Variants in RNF19A observed in about 807,000 individuals in gnomAD.
The protein encoded by RNF19A is ring finger protein 19A, RBR E3 ubiquitin protein ligase, also known as E3 ubiquitin-protein ligase RNF19A.
Under a neutral mutation model 75.7 loss-of-function variants are expected in RNF19A, and 32 were observed. The observed-to-expected ratio is 0.42, with a 90% CI of 0.32 to 0.57. The LOEUF (loss-of-function observed/expected upper bound fraction) is 0.57. Among genes scored for constraint, RNF19A ranks in the 20% least tolerant of loss-of-function variants. The pLI is 0.10. For synonymous variants in RNF19A, 335 were observed against 345.2 expected, an observed-to-expected ratio of 0.97 and a Z score of 0.33; for missense variants, 782 against 1,036.3, an observed-to-expected ratio of 0.75 and a Z score of 3.37.
chr8:100,315,525 T>C (rs1263832382), intron 1 of RNF19A, among the ~76,000 whole-genome samples: 1 of 152,200 alleles, frequency 6.6e-6, no homozygotes, highest in African/African-American at 2.4e-5. Context: ...GCACAATTGA[T>C]CATTGGAATG....
Position 100,260,584 on chromosome 8 carries a change from TAAAAAG to T in RNF19A, c.1683-593_1683-588del, listed in dbSNP as rs1489120968. ...TGAGCCCAACCAACATTTGCCTTTT[TAAAAAG>T]AGGTAGTATATACCACTATAACTTA... On this transcript the variant is annotated intron_variant, in intron 8 of 9. Coordinates refer to ENST00000341084, the MANE Select transcript of RNF19A (RefSeq NM_183419.4). This position sits in a 1 kb window ranked among gnomAD's most constrained non-coding sequence, Gnocchi z 4.1. Among the ~76,000 whole-genome samples the T allele has an allele frequency of 6.6e-6, 1 of 152,146 alleles. No homozygotes were observed. Among genetic ancestry groups the T allele is most frequent in the African/African-American group, 2.4e-5 (1 of 41,428 alleles).
At chr8:100,321,182 C>G (rs1822461403) in intron 1 of RNF19A, among the ~76,000 whole-genome samples, 1 of 152,256 alleles carries the variant, frequency 6.6e-6, no homozygotes, top group Admixed American at 6.5e-5. Context: ...GTAGCATGCA[C>G]TGCTGCTTGG....
At chr8:100,278,661 A>C (rs1224765935) in intron 2 of RNF19A, among the ~76,000 whole-genome samples, 1 of 152,194 alleles carries the variant, frequency 6.6e-6, no homozygotes, top group Non-Finnish European at 1.5e-5. Flanking sequence ...GATTAATAGA[A>C]ATTAGATTAC....
chr8:100,273,607 A>C (rs1820361233), intron 3 of RNF19A, among the ~76,000 whole-genome samples: 1 of 152,184 alleles, frequency 6.6e-6, no homozygotes, highest in Non-Finnish European at 1.5e-5. Flanking sequence ...AAAATAATAA[A>C]AGCCATTTCT....
intron 7 of RNF19A, among the ~76,000 whole-genome samples, chr8:100,262,742 C>T (rs1016251335): frequency 6.6e-6 from 1 of 152,118 alleles, no homozygotes; most frequent in African/African-American, 2.4e-5. Context: ...GTTGATACAG[C>T]AGTTAAGAGG....
chr8:100,291,975 T>G (rs1020833357), intron 1 of RNF19A, among the ~76,000 whole-genome samples: 1 of 150,112 alleles, frequency 6.7e-6, no homozygotes, highest in Non-Finnish European at 1.5e-5. Flanking sequence ...GTCTTTTTTT[T>G]TTTTTTTTTT....
At chr8:100,310,705 A>G (rs1822271875), upstream of RNF19A, among the ~76,000 whole-genome samples, 1 of 152,160 alleles carries the variant, frequency 6.6e-6, no homozygotes. Context: ...CTTAGCCACA[A>G]TAGCAAGCCT....
At chr8:100,276,737 A>G (rs902344332) in intron 2 of RNF19A, among the ~76,000 whole-genome samples, 18 of 151,686 alleles carry the variant, frequency 1.2e-4, no homozygotes, top group South Asian at 1.0e-3. Flanking sequence ...AAAAAAAAAA[A>G]AAAAAAGAAA....
chr8:100,312,519 G>T (rs534552320), upstream of RNF19A: 140 of 152,456 alleles, frequency 9.2e-4, no homozygotes, highest in Middle Eastern at 0.034. Flanking sequence ...ATAGCCTTAG[G>T]AGGTCAAGGC....
At position 100,317,484 on chromosome 8, in the gene RNF19A, T is replaced by A. The variant is rs7010789; in HGVS notation, c.-242-4112A>T. 0.13 allele frequency among the ~76,000 whole-genome samples: 20,074 copies of A among 152,092 alleles called. 4,034 individuals are homozygous for A. The highest frequency in any genetic ancestry group is 0.44 in the African/African-American group (18,017 of 41,356). On this transcript the variant is annotated intron_variant, in intron 1 of 3. Transcript: ENST00000519527. The surrounding 1 kb of genome is among the most constrained non-coding windows in gnomAD (Gnocchi z 4.3). ...TCTTCATGGGACCCATGCAATTACT[T>A]AGAATCTTCTTTATTTCCCCTCCCA...
chr8:100,290,488 A>G (rs1348145860), intron 1 of RNF19A, among the ~76,000 whole-genome samples: 1 of 152,134 alleles, frequency 6.6e-6, no homozygotes, highest in Non-Finnish European at 1.5e-5. Flanking sequence ...ACTCATGATT[A>G]ATGTGCCTTT....
chr8:100,315,720 G>A (rs889898970), intron 1 of RNF19A, among the ~76,000 whole-genome samples: 2 of 152,130 alleles, frequency 1.3e-5, no homozygotes, highest in East Asian at 1.9e-4. Flanking sequence ...GGTGCAGTGC[G>A]ATCACCTTGA....
intron 2 of RNF19A, among the ~76,000 whole-genome samples, chr8:100,283,252 A>T (rs1820866975): frequency 2.4e-5 from 1 of 41,576 alleles, no homozygotes; most frequent in South Asian, 7.8e-4. Context: ...TAGAAACTAA[A>T]ACAACAACTT....
intron 3 of RNF19A, among the ~76,000 whole-genome samples, chr8:100,271,001 G>T (rs1820229318): frequency 6.6e-6 from 1 of 152,040 alleles, no homozygotes; most frequent in Non-Finnish European, 1.5e-5. Context: ...GATATTTATA[G>T]TGCTAACCAC....
chr8:100,301,509 G>A (rs1237586489), intron 1 of RNF19A, among the ~76,000 whole-genome samples: 1 of 152,042 alleles, frequency 6.6e-6, no homozygotes, highest in Non-Finnish European at 1.5e-5. Flanking sequence ...CCACACTTTA[G>A]CCAACTGACC....
At position 100,274,462 on chromosome 8, in the gene RNF19A, A is replaced by C. The variant is rs567421858; in HGVS notation, c.883+491T>G. Among the ~76,000 whole-genome samples, 7 of 152,352 alleles carry C rather than the reference A, an allele frequency of 4.6e-5. No individual in the cohort carries two copies. The South Asian group carries it at 1.4e-3, about 32-fold the overall frequency. On this transcript the variant is annotated intron_variant, in intron 3 of 9. Transcript: ENST00000341084. ...AAACATTTATGTTACAAAAGTATTA[A>C]ATGTCGAACATTCTGTGTTAAAATT... is the stretch of plus-strand genomic sequence containing the variant.
In RNF19A at chr8:100,264,866, G is replaced by A; in HGVS notation, c.1192-81C>T. On this transcript the variant is annotated intron_variant, in intron 5 of 9. Transcript: ENST00000341084. This position sits in a 1 kb window ranked among gnomAD's most constrained non-coding sequence, Gnocchi z 4.7. ...ACTTAGTTGAAAAAGATCTATACTT[G>A]CTAAAGTGATTTTTCATAGAAGTTC... 1 of 1,062,638 alleles carries A rather than the reference G, an allele frequency of 9.4e-7. No homozygotes were observed. The highest frequency in any genetic ancestry group is 2.0e-5 in the Admixed American group (1 of 50,668). 65.8% of individuals were successfully genotyped at this position (1,062,638 alleles called of 1,614,324 possible).
chr8:100,324,533 T>C lies in RNF19A; in HGVS notation c.-242-11161A>G, dbSNP rs574537402. Among the ~76,000 whole-genome samples, 44 of 152,304 alleles carry C rather than the reference T, an allele frequency of 2.9e-4. No individual in the cohort carries two copies. In the South Asian group the frequency reaches 7.7e-3, roughly 27 times the overall value. On this transcript the variant is annotated intron_variant, in intron 1 of 3. Coordinates refer to the RNF19A transcript ENST00000519527. This position sits in a 1 kb window ranked among gnomAD's most constrained non-coding sequence, Gnocchi z 4.2. ...AAATCTGGAGGAGAGTGGAAGTTCC[T>C]TTCATTCTCTCCTCTGTCCAAACCC...
chr8:100,298,186 C>A (rs569463259), intron 1 of RNF19A, among the ~76,000 whole-genome samples: 24 of 135,028 alleles, frequency 1.8e-4, no homozygotes, highest in African/African-American at 7.0e-4. Context: ...CTAAATTTAC[C>A]ATGTATTGGG....
Sources: allele counts gnomAD v4.1 joint callset (sites outside exome capture counted in the v4.1 genomes callset), GRCh38; gene constraint gnomAD v4.1.1; non-coding constraint Gnocchi (gnomAD v3.1); transcripts MANE v1.5; gene names NCBI Gene and HGNC (gene_info 2026-07-23, HGNC 2026-07-21).